Variants in SEC14L2 observed in about 807,000 individuals in gnomAD.
SEC14L2 encodes the protein SEC14-like protein 2.
SEC14L2 carries 50 observed loss-of-function variants against 56.9 expected under a neutral mutation model. The ratio of observed to expected loss-of-function variants is 0.88; its 90% CI spans 0.70 to 1.11. The LOEUF (loss-of-function observed/expected upper bound fraction) is 1.11. SEC14L2 is among the 50% of genes most tolerant of loss of function. The pLI, the probability that SEC14L2 is intolerant of heterozygous loss-of-function variation, is 0.00. For synonymous variants in SEC14L2, 179 were observed against 188.5 expected, an observed-to-expected ratio of 0.95 and a Z score of 0.41; for missense variants, 414 against 500.7, an observed-to-expected ratio of 0.83 and a Z score of 1.65.
rs746373185 is a variant in SEC14L2, at chr22:30,410,590, T to C, written c.581-6T>C. On this transcript the variant is annotated splice_region_variant and splice_polypyrimidine_tract_variant and intron_variant, in intron 7 of 11. Coordinates refer to ENST00000615189, the MANE Select transcript of SEC14L2 (RefSeq NM_012429.5). ...CCAGCCTCACATTATCTGGTCTCTG[T>C]TCCAGCCCCCAAACTGTTTCCTGTG... The C allele has an allele frequency of 1.2e-5, 19 of 1,613,844 alleles. 1 individual carries two copies. The South Asian group carries it at 1.9e-4, about 16-fold the overall frequency.
Position 30,407,495 on chromosome 22 carries a change from T to C in SEC14L2, c.315T>C (p.Pro105=). 6.2e-7 allele frequency: 1 copy of C among 1,614,192 alleles called. No individual in the cohort carries two copies. The highest frequency in any genetic ancestry group is 8.5e-7 in the Non-Finnish European group (1 of 1,180,030). The stretch of plus-strand genomic sequence containing the variant: ...CAGTCTGGTACGACATAATTGGACC[T>C]CTGGATGCCAAGGGTCTGCTGTTCT... The part of the protein sequence containing the change: ...GCPVWYDIIG[P]LDAKGLLFSA... The change falls in exon 5 of 12, where the codon CCT becomes CCC. Residue 105 remains proline (P), a synonymous_variant. Transcript: ENST00000615189.
At chr22:30,414,325 G>A (rs2146034307) in intron 8 of SEC14L2, among the ~76,000 whole-genome samples, 1 of 152,272 alleles carries the variant, frequency 6.6e-6, no homozygotes, top group South Asian at 2.1e-4. Context: ...CAGCAGAGCT[G>A]TGTAGGAGGT....
intron 11 of SEC14L2, 104 bp downstream of exon 11, chr22:30,416,507 G>A (rs766649166): frequency 6.3e-7 from 1 of 1,589,656 alleles, no homozygotes. Flanking sequence ...GTTAGAACTA[G>A]AAGTGGAATG....
chr22:30,403,191 C>G (rs918653850), intron 2 of SEC14L2, among the ~76,000 whole-genome samples: 3 of 152,204 alleles, frequency 2.0e-5, no homozygotes, highest in African/African-American at 7.2e-5. Context: ...CTGTCCCTAA[C>G]CCAGGTGTGT....
rs779211875 is a variant in SEC14L2 at position 30,422,306 on chromosome 22, T to C, written c.1111T>C (p.Phe371Leu). ...YVLRFDNTYS[F>L]IHAKKVNFTV... Reference sequence around the variant, plus strand: ...CCTGCGGTTTGACAACACCTACAGCTTCATTCATGCCAAGAAGGTCAATTT... The same window carrying C: ...CCTGCGGTTTGACAACACCTACAGCCTCATTCATGCCAAGAAGGTCAATTT... Residue 371 changes from phenylalanine (F) to leucine (L), a missense_variant, in exon 12 of 12, where the codon TTC (phenylalanine) becomes CTC (leucine). Coordinates refer to ENST00000615189, the MANE Select transcript of SEC14L2 (RefSeq NM_012429.5). 6.2e-7 allele frequency: 1 copy of C among 1,614,168 alleles called. No individual in the cohort carries two copies. Among genetic ancestry groups the C allele is most frequent in the Non-Finnish European group, 8.5e-7 (1 of 1,180,014 alleles).
Position 30,397,126 on chromosome 22 carries a change from A to T in SEC14L2, c.10A>T (p.Arg4Ter). Residue 4 changes from arginine (R) to a stop codon, truncating the protein, a stop_gained, in exon 1 of 12, where the codon AGA (arginine) becomes TGA (stop). Coordinates refer to ENST00000615189, the MANE Select transcript of SEC14L2 (RefSeq NM_012429.5). LOFTEE classifies it high-confidence loss of function. MSG[R>*]VGDLSPRQKE... Reference sequence around the variant, plus strand: ...CCGCGGTTGAGCCACGATGAGCGGCAGAGTCGGCGATCTGAGCCCCAGGCA... The same window carrying T: ...CCGCGGTTGAGCCACGATGAGCGGCTGAGTCGGCGATCTGAGCCCCAGGCA... The T allele has an allele frequency of 6.5e-7, 1 of 1,548,252 alleles. No homozygotes were observed. The highest frequency in any genetic ancestry group is 8.7e-7 in the Non-Finnish European group (1 of 1,146,032).
intron 8 of SEC14L2, among the ~76,000 whole-genome samples, chr22:30,412,563 A>G (rs898627268): frequency 6.6e-6 from 1 of 152,096 alleles, no homozygotes; most frequent in Non-Finnish European, 1.5e-5. Flanking sequence ...CCATAATCCC[A>G]AACACTTTGT....
At chr22:30,407,713 C>G (rs1289786845) in intron 5 of SEC14L2, 110 bp downstream of exon 5, 1 of 610,404 alleles carries the variant, frequency 1.6e-6, no homozygotes, top group Non-Finnish European at 2.4e-6. Context: ...AAGGCCCAGC[C>G]TTTTTTTTTT....
intron 2 of SEC14L2, 114 bp from the exon 3 acceptor site, chr22:30,406,228 C>G (rs1189228063): frequency 2.0e-6 from 2 of 987,414 alleles, no homozygotes; most frequent in African/African-American, 1.6e-5. Context: ...TGAGGGTTAG[C>G]TGGAGAGATG....
Position 30,415,799 on chromosome 22 carries a change from C to G in SEC14L2, c.705C>G (p.Asp235Glu), listed in dbSNP as rs1934371845. The stretch of plus-strand genomic sequence containing the variant: ...TTTTACTGAAACATATCAGCCCTGA[C>G]CAGGTGCCTGTGGAGTATGGGGGCA... The part of the protein sequence containing the change: ...KEVLLKHISP[D>E]QVPVEYGGTM... The change falls in exon 9 of 12, where the codon GAC becomes GAG. Residue 235 changes from aspartate (D) to glutamate (E), a missense_variant. Transcript: ENST00000615189. 6.2e-7 allele frequency: 1 copy of G among 1,614,154 alleles called. No homozygotes were observed. The highest frequency in any genetic ancestry group is 8.5e-7 in the Non-Finnish European group (1 of 1,180,022).
At position 30,409,470 on chromosome 22, in the gene SEC14L2, T is replaced by A. The variant is rs144641039; in HGVS notation, c.564T>A (p.Arg188=). The A allele has an allele frequency of 4.3e-5, 69 of 1,614,180 alleles. No homozygotes were observed. In the African/African-American group the frequency reaches 8.7e-4, roughly 20 times the overall value. The part of the protein sequence containing the change: ...FEENYPETLK[R]LFVVKAPKLF... ...AAAATTATCCCGAAACACTGAAGCG[T>A]CTTTTTGTTGTTAAAGGTAAGTTGG... Residue 188 remains arginine, a synonymous_variant, in exon 7 of 12, where the codon CGT becomes CGA. Transcript: ENST00000615189.
At chr22:30,402,684 A>G (rs925321913) in intron 2 of SEC14L2, among the ~76,000 whole-genome samples, 4 of 151,710 alleles carry the variant, frequency 2.6e-5, no homozygotes, top group East Asian at 1.9e-4. Flanking sequence ...TTTGTGCCTC[A>G]CATTTCCTGG....
At position 30,406,328 on chromosome 22, in the gene SEC14L2, T is replaced by A; in HGVS notation, c.131-14T>A. 5.6e-6 allele frequency: 9 copies of A among 1,613,942 alleles called. No individual in the cohort carries two copies. Among genetic ancestry groups the A allele is most frequent in the Non-Finnish European group, 7.6e-6 (9 of 1,179,904 alleles). On this transcript the variant is annotated splice_polypyrimidine_tract_variant and intron_variant, in intron 2 of 11. Coordinates refer to ENST00000615189, the MANE Select transcript of SEC14L2 (RefSeq NM_012429.5). Reference sequence around the variant, plus strand: ...GCTAACCTAACCCTGACCAGAACTGTTTCCCTGTTACAGCCAGAAGCTTCG... The same window carrying A: ...GCTAACCTAACCCTGACCAGAACTGATTCCCTGTTACAGCCAGAAGCTTCG...
chr22:30,398,930 TGTGA>T (rs1427908857), intron 1 of SEC14L2: 6 of 406,830 alleles, frequency 1.5e-5, no homozygotes, highest in Non-Finnish European at 2.6e-5. Context: ...TTCTACGGGT[TGTGA>T]GTGAGGAGTA....
chr22:30,423,133 C>G lies in SEC14L2; in HGVS notation c.*726C>G, dbSNP rs1006508065. 6.5e-6 allele frequency: 1 copy of G among 152,876 alleles called. No homozygotes were observed. The highest frequency in any genetic ancestry group is 2.4e-5 in the African/African-American group (1 of 41,450). 9.5% of individuals were successfully genotyped at this position (152,876 alleles called of 1,614,324 possible). A position where few individuals can be genotyped will look rare whatever the true frequency, so the allele number is the denominator to read the frequency against. ...GCAAACAAAGCGCCAGGGAAATGAC[C>G]CACAGGGATCGCAGCTGCAGGGAGG... On this transcript the variant is annotated 3_prime_UTR_variant, in exon 12 of 12. Transcript: ENST00000615189.
chr22:30,401,228 G>T (rs998971325), intron 2 of SEC14L2, among the ~76,000 whole-genome samples: 7 of 130,112 alleles, frequency 5.4e-5, no homozygotes, highest in Non-Finnish European at 1.0e-4. Context: ...TATTTATTTA[G>T]AGATGGAGTC....
intron 2 of SEC14L2, among the ~76,000 whole-genome samples, chr22:30,404,009 C>CAAAAAAAAA (rs67366822): frequency 1.4e-4 from 13 of 93,212 alleles, no homozygotes; most frequent in Non-Finnish European, 1.7e-4. Context: ...GACTCCGTCT[C>CAAAAAAAAA]AAAAAAAAAA....
intron 5 of SEC14L2, 146 bp from the exon 6 acceptor site, chr22:30,409,041 A>G (rs548450725): frequency 2.6e-6 from 2 of 765,268 alleles, no homozygotes; most frequent in Non-Finnish European, 4.7e-6. Flanking sequence ...GCCTGGGGTG[A>G]TTATCTCAGT....
intron 8 of SEC14L2, among the ~76,000 whole-genome samples, chr22:30,411,741 T>C (rs1601781040): frequency 6.8e-4 from 2 of 2,940 alleles, no homozygotes; most frequent in African/African-American, 3.6e-3. Context: ...AGACTCCGTC[T>C]CAAAAAAAAA....
Sources: allele counts gnomAD v4.1 joint callset (sites outside exome capture counted in the v4.1 genomes callset), GRCh38; gene constraint gnomAD v4.1.1; transcripts MANE v1.5; gene names NCBI Gene and HGNC (gene_info 2026-07-23, HGNC 2026-07-21).